PAGE2B: variants seen among roughly 807,000 people sequenced by gnomAD.
The protein encoded by PAGE2B is PAGE family member 2B, also known as putative G antigen family E member 3.
In PAGE2B, 5 loss-of-function variants were observed where a neutral mutation model predicts 7.6. That is an observed-to-expected ratio of 0.66 (90% confidence interval 0.34 to 1.38). The LOEUF is 1.38. PAGE2B is among the 40% of genes most tolerant of loss of function. The pLI, the probability that PAGE2B is intolerant of heterozygous loss-of-function variation, is 0.04. For missense variants in PAGE2B, 70 were observed against 78.4 expected, an observed-to-expected ratio of 0.89 and a Z score of 0.41; for synonymous variants, 29 against 26.7, an observed-to-expected ratio of 1.09 and a Z score of -0.27.
the PAGE2B span, among the ~76,000 whole-genome samples, chrX:55,041,189 C>A: frequency 1.9e-5 from 2 of 103,301 alleles, no homozygotes; most frequent in African/African-American, 3.6e-5. Flanking sequence ...TCATGCCATT[C>A]TCCTGCCTCA....
At chrX:55,066,622 G>C in the PAGE2B span, among the ~76,000 whole-genome samples, 5 of 111,735 alleles carry the variant, frequency 4.5e-5, no homozygotes, top group African/African-American at 9.8e-5. Context: ...ATCCTGGCCT[G>C]TAAGGTTTCC....
the PAGE2B span, chrX:55,044,819 T>C: frequency 8.9e-6 from 1 of 112,110 alleles, no homozygotes; most frequent in East Asian, 2.8e-4. Flanking sequence ...AGTTTTTCTC[T>C]GCTATAGATT....
the PAGE2B span, among the ~76,000 whole-genome samples, chrX:55,048,032 A>G: frequency 1.8e-5 from 2 of 112,017 alleles, no homozygotes; most frequent in East Asian, 2.8e-4. Flanking sequence ...CTTTCTACAT[A>G]TGGCTAGCCA....
At chrX:55,039,956 A>G in the PAGE2B span, among the ~76,000 whole-genome samples, 11 of 112,178 alleles carry the variant, frequency 9.8e-5, no homozygotes, top group Non-Finnish European at 1.9e-4. Context: ...TCAGGAAAAT[A>G]ATAAAAAAAT....
chrX:55,069,849 A>C, the PAGE2B span, among the ~76,000 whole-genome samples: 1 of 111,441 alleles, frequency 9.0e-6, no homozygotes, highest in Non-Finnish European at 1.9e-5. Context: ...TATAGTATTC[A>C]CTGATGGTAG....
At chrX:55,069,420 G>A in the PAGE2B span, among the ~76,000 whole-genome samples, 4 of 111,515 alleles carry the variant, frequency 3.6e-5, no homozygotes, top group African/African-American at 1.3e-4. Context: ...GCTTTTTGAT[G>A]TGCTGCTGGA....
the PAGE2B span, among the ~76,000 whole-genome samples, chrX:55,031,928 A>T: frequency 9.1e-6 from 1 of 110,478 alleles, no homozygotes; most frequent in Non-Finnish European, 1.9e-5. Flanking sequence ...CATAGTCTAC[A>T]TATTGATTTG....
chrX:55,077,302 G>A (rs1936532438), intron 3 of PAGE2B, 97 bp from the exon 4 acceptor site: 10 of 1,155,862 alleles, frequency 8.7e-6, no homozygotes, highest in Non-Finnish European at 1.0e-5. Context: ...TAGCCTACAG[G>A]TTTTTACTTC....
chrX:55,039,750 A>T, the PAGE2B span, among the ~76,000 whole-genome samples: 2 of 111,736 alleles, frequency 1.8e-5, no homozygotes, highest in African/African-American at 6.5e-5. Flanking sequence ...TTTCCAGAAG[A>T]GGAAACCTGG....
intron 2 of PAGE2B, 88 bp downstream of exon 2, chrX:55,076,213 G>A: frequency 1.0e-6 from 1 of 991,906 alleles, no homozygotes; most frequent in East Asian, 3.2e-5. Flanking sequence ...TGATACAGGT[G>A]TTCCATGCTG....
the PAGE2B span, among the ~76,000 whole-genome samples, chrX:55,032,693 T>C: frequency 1.8e-5 from 2 of 112,185 alleles, no homozygotes; most frequent in Non-Finnish European, 3.8e-5. Flanking sequence ...TTTTCTGTGA[T>C]ATTTGCTGCT....
chrX:55,032,123 G>C, the PAGE2B span, among the ~76,000 whole-genome samples: 1 of 111,052 alleles, frequency 9.0e-6, no homozygotes, highest in East Asian at 2.8e-4. Context: ...GCATTTGTGA[G>C]AGCATTTTTT....
the PAGE2B span, among the ~76,000 whole-genome samples, chrX:55,029,039 C>G: frequency 2.7e-5 from 3 of 111,968 alleles, no homozygotes; most frequent in Non-Finnish European, 5.6e-5. Context: ...AAGCATTTAG[C>G]AGAGTACCTA....
At chrX:55,035,910 T>C in the PAGE2B span, among the ~76,000 whole-genome samples, 110 of 112,088 alleles carry the variant, frequency 9.8e-4, 1 homozygote, top group East Asian at 0.015. Context: ...ATTTTCACGA[T>C]ATTGATTCTT....
intron 4 of PAGE2B, among the ~76,000 whole-genome samples, chrX:55,077,740 G>A (rs1267925936): frequency 8.9e-6 from 1 of 112,695 alleles, no homozygotes; most frequent in Non-Finnish European, 1.9e-5. Context: ...TTGGGAGGCC[G>A]AGACAGAAAG....
chrX:55,052,536 C>T, the PAGE2B span, among the ~76,000 whole-genome samples: 1 of 112,455 alleles, frequency 8.9e-6, no homozygotes, highest in African/African-American at 3.2e-5. Flanking sequence ...GCCTGGCTGC[C>T]ACCTTGCAGT....
chrX:55,071,618 C>T (rs1936449862), upstream of PAGE2B, among the ~76,000 whole-genome samples: 1 of 111,829 alleles, frequency 8.9e-6, no homozygotes, highest in Non-Finnish European at 1.9e-5. Flanking sequence ...TGGGGAAGTT[C>T]TCCTGAATAT....
chrX:55,049,809 C>T, the PAGE2B span, among the ~76,000 whole-genome samples: 8 of 111,658 alleles, frequency 7.2e-5, no homozygotes, highest in Non-Finnish European at 1.5e-4. Flanking sequence ...CTATCTCCTT[C>T]AGTTCTGCTC....
the PAGE2B span, among the ~76,000 whole-genome samples, chrX:55,063,486 A>G: frequency 9.0e-6 from 1 of 111,099 alleles, no homozygotes; most frequent in Non-Finnish European, 1.9e-5. Context: ...GTTTTTCCAA[A>G]CATAAAATCA....
Sources: gnomAD v4.1 joint callset for allele counts (sites outside exome capture counted in the v4.1 genomes callset) on GRCh38, gnomAD v4.1.1 for gene constraint, MANE v1.5 for transcripts, NCBI Gene and HGNC (gene_info 2026-07-23, HGNC 2026-07-21) for gene names.